MEMO1: variants seen among roughly 807,000 people sequenced by gnomAD.
The protein encoded by MEMO1 is protein MEMO1.
A neutral mutation model predicts 45.2 loss-of-function variants in MEMO1; 6 were observed. That is an observed-to-expected ratio of 0.13 (90% CI 0.07 to 0.26). The LOEUF (loss-of-function observed/expected upper bound fraction) is 0.26. Ranked by LOEUF, MEMO1 falls within the 10% of genes least tolerant of loss-of-function variation. The pLI, the probability that MEMO1 is intolerant of heterozygous loss-of-function variation, is 1.00. For missense variants in MEMO1, 184 were observed against 370.5 expected, an observed-to-expected ratio of 0.50 and a Z score of 4.13; for synonymous variants, 78 against 124.3, an observed-to-expected ratio of 0.63 and a Z score of 2.48.
intron 2 of MEMO1, among the ~76,000 whole-genome samples, chr2:31,964,138 A>G (rs962344187): frequency 1.3e-5 from 2 of 152,220 alleles, no homozygotes; most frequent in African/African-American, 2.4e-5. Flanking sequence ...ACCAAATTGT[A>G]TAAAATACAT....
chr2:31,963,748 C>T (rs143402100), intron 2 of MEMO1, among the ~76,000 whole-genome samples: 7,047 of 152,218 alleles, frequency 0.046, 219 homozygotes, highest in Non-Finnish European at 0.066. Context: ...CAGGCATTCT[C>T]TATTTCCTGA....
chr2:31,884,235 T>C (rs1675826859), intron 7 of MEMO1, among the ~76,000 whole-genome samples: 1 of 152,172 alleles, frequency 6.6e-6, no homozygotes, highest in South Asian at 2.1e-4. Flanking sequence ...ACTAGTTACA[T>C]GAAAATCAAG....
chr2:31,969,541 A>T (rs1158699961), intron 2 of MEMO1, among the ~76,000 whole-genome samples: 1 of 151,066 alleles, frequency 6.6e-6, no homozygotes, highest in East Asian at 1.9e-4. Context: ...TTTCAGCTTT[A>T]TATTTATCTA....
intron 2 of MEMO1, among the ~76,000 whole-genome samples, chr2:32,000,785 C>G (rs1403288329): frequency 6.8e-6 from 1 of 148,046 alleles, no homozygotes; most frequent in African/African-American, 2.5e-5. Context: ...TCTAGCATAC[C>G]ACATATTTTT....
intron 5 of MEMO1, among the ~76,000 whole-genome samples, chr2:31,919,102 A>C (rs2148163430): frequency 6.6e-6 from 1 of 150,592 alleles, no homozygotes; most frequent in South Asian, 2.1e-4. Flanking sequence ...TTGCAAATGG[A>C]CTCTTTTATT....
At chr2:31,931,951 A>G (rs1430514660) in intron 4 of MEMO1, 116 bp downstream of exon 4, 1 of 820,216 alleles carries the variant, frequency 1.2e-6, no homozygotes, top group East Asian at 2.6e-5. Context: ...ATCAAAAGTC[A>G]AATCCCTCAT....
chr2:31,923,780 CTAAATTCAAGGCATACA>C, intron 4 of MEMO1: 1 of 1,505,888 alleles, frequency 6.6e-7, no homozygotes, highest in Non-Finnish European at 8.9e-7. Flanking sequence ...AAATAACAAT[CTAAATTCAAGGCATACA>C]TAAATTTCCT....
At chr2:31,891,580 A>C (rs923973233) in intron 7 of MEMO1, among the ~76,000 whole-genome samples, 3 of 152,098 alleles carry the variant, frequency 2.0e-5, no homozygotes, top group African/African-American at 7.2e-5. Context: ...GACTAATTAC[A>C]AAAAAGGAAA....
chr2:31,930,033 G>A (rs542563326), intron 4 of MEMO1, among the ~76,000 whole-genome samples: 41 of 152,374 alleles, frequency 2.7e-4, no homozygotes, highest in African/African-American at 9.6e-4. Flanking sequence ...GCCGAGGTGG[G>A]CGGATCACCC....
rs77547709 is a variant in MEMO1 at position 31,921,534 on chromosome 2, A to G, written c.213-624T>C. ...AAATAATCTCTATACTCTCAATGAC[A>G]AGGATGCAACAGGTATTCAGAAGCT... On this transcript the variant is annotated intron_variant, in intron 4 of 9. Transcript: ENST00000404530. Among the ~76,000 whole-genome samples, 569 of 152,316 alleles carry G rather than the reference A, an allele frequency of 3.7e-3. 5 individuals carry two copies. Among genetic ancestry groups the G allele is most frequent in the African/African-American group, 0.013 (559 of 41,572 alleles).
chr2:31,933,677 G>A (rs1024212446), intron 3 of MEMO1, among the ~76,000 whole-genome samples: 6 of 151,872 alleles, frequency 4.0e-5, no homozygotes, highest in South Asian at 2.1e-4. Context: ...TAGTAGTGGC[G>A]TTTAATTGGG....
intron 2 of MEMO1, among the ~76,000 whole-genome samples, chr2:31,974,133 T>C (rs1239358353): frequency 6.8e-6 from 1 of 147,710 alleles, no homozygotes; most frequent in Non-Finnish European, 1.5e-5. Flanking sequence ...CAGTTTAATA[T>C]CATGGATATT....
intron 3 of MEMO1, among the ~76,000 whole-genome samples, chr2:31,933,773 G>A (rs1664583871): frequency 6.6e-6 from 1 of 151,974 alleles, no homozygotes; most frequent in Non-Finnish European, 1.5e-5. Context: ...CTATACCTCT[G>A]GTAAAGGAGC....
chr2:31,984,821 C>G (rs1671078132), intron 2 of MEMO1, among the ~76,000 whole-genome samples: 2 of 151,574 alleles, frequency 1.3e-5, no homozygotes, highest in Non-Finnish European at 2.9e-5. Context: ...AAAAAAAAAG[C>G]AAAAAAGGAA....
At chr2:32,002,002 C>T (rs1460891414) in intron 2 of MEMO1, among the ~76,000 whole-genome samples, 3 of 151,270 alleles carry the variant, frequency 2.0e-5, no homozygotes, top group African/African-American at 2.4e-5. Flanking sequence ...AAAAATTAGC[C>T]GAGTGTGGTG....
At chr2:31,939,922 T>A (rs2148303198) in intron 3 of MEMO1, among the ~76,000 whole-genome samples, 1 of 152,304 alleles carries the variant, frequency 6.6e-6, no homozygotes, top group Admixed American at 6.5e-5. Context: ...AATAATACTT[T>A]CATTTCCACC....
At chr2:31,885,319 C>T (rs1030673531) in intron 7 of MEMO1, among the ~76,000 whole-genome samples, 11 of 152,076 alleles carry the variant, frequency 7.2e-5, no homozygotes, top group African/African-American at 2.7e-4. Flanking sequence ...GGGGTTTCAC[C>T]ATGTTGGCCA....
chr2:31,969,442 C>G (rs961175787), intron 2 of MEMO1, among the ~76,000 whole-genome samples: 1 of 149,952 alleles, frequency 6.7e-6, no homozygotes, highest in South Asian at 2.1e-4. Flanking sequence ...TGTGTGTATA[C>G]GCATATATAT....
At chr2:31,926,863 TAAAC>T (rs1683193676) in intron 4 of MEMO1, among the ~76,000 whole-genome samples, 1 of 147,668 alleles carries the variant, frequency 6.8e-6, no homozygotes, top group Non-Finnish European at 1.5e-5. Context: ...AAAAGAAAAA[TAAAC>T]AAAACAAAAC....
Sources: gnomAD v4.1 joint callset for allele counts (sites outside exome capture counted in the v4.1 genomes callset) on GRCh38, gnomAD v4.1.1 for gene constraint, MANE v1.5 for transcripts, NCBI Gene and HGNC (gene_info 2026-07-23, HGNC 2026-07-21) for gene names.